KCNMA1: variants seen among roughly 807,000 people sequenced by gnomAD.
KCNMA1 encodes potassium calcium-activated channel subfamily M alpha 1, also known as Calcium-activated potassium channel subunit alpha-1.
In KCNMA1, 29 loss-of-function variants were observed where a neutral mutation model predicts 140.0. The observed-to-expected ratio is 0.21, with a 90% CI of 0.15 to 0.28. The LOEUF (loss-of-function observed/expected upper bound fraction) is 0.28, where lower values mean the gene tolerates loss of function less well. KCNMA1 is among the 10% of genes least tolerant of loss of function. The pLI, the probability that KCNMA1 is intolerant of heterozygous loss-of-function variation, is 1.00. For missense variants in KCNMA1, 880 were observed against 1,602.2 expected (o/e 0.55, Z 7.70); for synonymous variants, 612 against 611.9 (o/e 1.00, Z 0.00).
At chr10:76,939,948 C>A (rs905513314) in intron 23 of KCNMA1, among the ~76,000 whole-genome samples, 1 of 152,176 alleles carries the variant, frequency 6.6e-6, no homozygotes, top group African/African-American at 2.4e-5. Context: ...CAGATAAATG[C>A]GTGCTAAATA....
chr10:76,992,207 C>A (rs1292115019), intron 19 of KCNMA1, among the ~76,000 whole-genome samples: 6 of 152,048 alleles, frequency 3.9e-5, no homozygotes, highest in Non-Finnish European at 8.8e-5. Context: ...CTGAGGATGA[C>A]CAAATGAGAT....
At position 77,133,771 on chromosome 10, in the gene KCNMA1, C is replaced by T. The variant is rs181591603; in HGVS notation, c.809-12723G>A. ...CTGAATGGATGGGCAGAAAGACACA[C>T]ACATATATTAGTAAACTAGGAACAC... is the stretch of plus-strand genomic sequence containing the variant. On this transcript the variant is annotated intron_variant, in intron 5 of 27. Coordinates refer to ENST00000286628, the MANE Select transcript of KCNMA1 (RefSeq NM_001161352.2). Among the ~76,000 whole-genome samples, 615 of 152,186 alleles carry T rather than the reference C, an allele frequency of 4.0e-3. 6 individuals are homozygous for T. Among genetic ancestry groups the T allele is most frequent in the African/African-American group, 0.014 (600 of 41,542 alleles).
At chr10:77,192,942 A>C (rs1188844241) in intron 3 of KCNMA1, among the ~76,000 whole-genome samples, 2 of 152,196 alleles carry the variant, frequency 1.3e-5, no homozygotes, top group Non-Finnish European at 2.9e-5. Context: ...GAAGGCAGCC[A>C]CACAGTCTCA....
intron 1 of KCNMA1, among the ~76,000 whole-genome samples, chr10:77,517,063 G>C (rs547738587): frequency 6.6e-6 from 1 of 151,942 alleles, no homozygotes; most frequent in Non-Finnish European, 1.5e-5. Context: ...GTGAACATGC[G>C]TGTGTGAATG....
chr10:77,608,582 C>T (rs569800906), intron 1 of KCNMA1, among the ~76,000 whole-genome samples: 1 of 152,278 alleles, frequency 6.6e-6, no homozygotes, highest in South Asian at 2.1e-4. Context: ...ACACTCCAGG[C>T]TGAAGTGTGC....
intron 19 of KCNMA1, among the ~76,000 whole-genome samples, chr10:76,998,320 T>A (rs2085059391): frequency 6.6e-6 from 1 of 151,922 alleles, no homozygotes; most frequent in Non-Finnish European, 1.5e-5. Flanking sequence ...AAAACGGAAA[T>A]TTTTCCCCTT....
intron 1 of KCNMA1, among the ~76,000 whole-genome samples, chr10:77,457,853 C>A (rs185265162): frequency 6.6e-6 from 1 of 152,128 alleles, no homozygotes; most frequent in Non-Finnish European, 1.5e-5. Context: ...TGCCTCCATC[C>A]TGTCTGGTTC....
At chr10:77,600,766 CAT>C (rs1491276751) in intron 1 of KCNMA1, among the ~76,000 whole-genome samples, 19 of 150,444 alleles carry the variant, frequency 1.3e-4, no homozygotes, top group Admixed American at 9.9e-4. Flanking sequence ...CACACACACA[CAT>C]GCACACACAC....
At chr10:76,917,068 A>G (rs1266388544) in intron 23 of KCNMA1, among the ~76,000 whole-genome samples, 1 of 152,196 alleles carries the variant, frequency 6.6e-6, no homozygotes, top group African/African-American at 2.4e-5. Context: ...ACATAACCAA[A>G]AACACGCATT....
intron 2 of KCNMA1, among the ~76,000 whole-genome samples, chr10:77,268,827 G>A (rs1229332751): frequency 6.6e-6 from 1 of 152,164 alleles, no homozygotes; most frequent in Non-Finnish European, 1.5e-5. Flanking sequence ...TTGACAGAGA[G>A]GGTGTCTCTG....
chr10:77,590,739 G>C (rs1603637883), intron 1 of KCNMA1, among the ~76,000 whole-genome samples: 2 of 152,168 alleles, frequency 1.3e-5, no homozygotes, highest in Non-Finnish European at 2.9e-5. Context: ...CTGCCAGCAC[G>C]CTGTCACCTC....
intron 5 of KCNMA1, among the ~76,000 whole-genome samples, chr10:77,137,142 G>A (rs546984723): frequency 6.6e-6 from 1 of 152,208 alleles, no homozygotes; most frequent in East Asian, 1.9e-4. Context: ...ACTGCTTCAG[G>A]GTTCCTGTGA....
intron 23 of KCNMA1, among the ~76,000 whole-genome samples, chr10:76,916,868 C>T (rs922347885): frequency 5.3e-5 from 8 of 152,126 alleles, no homozygotes; most frequent in Admixed American, 4.6e-4. Flanking sequence ...TCTGCTCTCC[C>T]GTGTATACAT....
At chr10:77,204,445 C>A (rs1321671255) in intron 3 of KCNMA1, among the ~76,000 whole-genome samples, 1 of 152,036 alleles carries the variant, frequency 6.6e-6, no homozygotes, top group African/African-American at 2.4e-5. Context: ...AATCTAAATG[C>A]CTAAAACTAA....
intron 1 of KCNMA1, among the ~76,000 whole-genome samples, chr10:77,596,464 A>T (rs1166754830): frequency 6.6e-6 from 1 of 152,222 alleles, no homozygotes; most frequent in Non-Finnish European, 1.5e-5. Flanking sequence ...ACATTTGGCT[A>T]CTAAACAGAT....
intron 20 of KCNMA1, 150 bp downstream of exon 20, chr10:76,969,824 T>C (rs1446485721): frequency 3.0e-6 from 2 of 674,680 alleles, no homozygotes; most frequent in Admixed American, 2.3e-5. Flanking sequence ...TACTCCAGCC[T>C]TTAAGAAGCC....
chr10:77,577,984 CAGCTAGCTATAATT>C (rs2074741894), intron 1 of KCNMA1, among the ~76,000 whole-genome samples: 1 of 152,234 alleles, frequency 6.6e-6, no homozygotes, highest in African/African-American at 2.4e-5. Context: ...CCAGCATGGC[CAGCTAGCTATAATT>C]AGCAAAGCTC....
chr10:77,492,914 G>A (rs1219852728), intron 1 of KCNMA1, among the ~76,000 whole-genome samples: 1 of 152,194 alleles, frequency 6.6e-6, no homozygotes, highest in Non-Finnish European at 1.5e-5. Flanking sequence ...CATATTTAAT[G>A]CTCATAATAC....
intron 14 of KCNMA1, among the ~76,000 whole-genome samples, chr10:77,071,912 C>G (rs534061807): frequency 3.3e-5 from 5 of 152,214 alleles, no homozygotes; most frequent in African/African-American, 1.2e-4. Flanking sequence ...AATAATATCA[C>G]TCATAGGTGC....
Sources: allele counts gnomAD v4.1 joint callset (sites outside exome capture counted in the v4.1 genomes callset), GRCh38; gene constraint gnomAD v4.1.1; transcripts MANE v1.5; gene names NCBI Gene and HGNC (gene_info 2026-07-23, HGNC 2026-07-21).